The following TMPRSS11A variants were observed in gnomAD, a reference collection of about 807,000 sequenced individuals.
TMPRSS11A encodes transmembrane protease serine 11A.
Under a neutral mutation model 58.9 loss-of-function variants are expected in TMPRSS11A, and 53 were observed. That is an observed-to-expected ratio of 0.90 (90% CI 0.72 to 1.13). The LOEUF is 1.13. Among genes scored for constraint, TMPRSS11A ranks in the 50% most tolerant of loss-of-function variants. The pLI, the probability that TMPRSS11A is intolerant of heterozygous loss-of-function variation, is 0.00. For synonymous variants in TMPRSS11A, 167 were observed against 169.8 expected, an observed-to-expected ratio of 0.98 and a Z score of 0.13; for missense variants, 493 against 499.3, an observed-to-expected ratio of 0.99 and a Z score of 0.12.
chr4:67,938,266 C>A (rs979544434), intron 3 of TMPRSS11A, among the ~76,000 whole-genome samples: 6 of 152,062 alleles, frequency 3.9e-5, no homozygotes, highest in African/African-American at 1.4e-4. Context: ...GTTTCTTTTG[C>A]TTGTTGAGTT....
intron 7 of TMPRSS11A, among the ~76,000 whole-genome samples, chr4:67,921,447 C>T (rs896242764): frequency 6.6e-6 from 1 of 152,066 alleles, no homozygotes; most frequent in Non-Finnish European, 1.5e-5. Context: ...GATCCTCCTG[C>T]GTTAGCCTCC....
intron 1 of TMPRSS11A, among the ~76,000 whole-genome samples, chr4:67,960,507 T>C (rs1440349325): frequency 6.6e-6 from 1 of 152,158 alleles, no homozygotes; most frequent in Non-Finnish European, 1.5e-5. Context: ...ATTGCTGAGA[T>C]AATTAAATGC....
intron 1 of TMPRSS11A, among the ~76,000 whole-genome samples, chr4:67,953,915 A>G (rs939833955): frequency 4.6e-5 from 7 of 152,230 alleles, no homozygotes; most frequent in African/African-American, 1.7e-4. Flanking sequence ...CAAGAGGAAG[A>G]AACAAAGAAA....
chr4:67,930,831 CAA>C (rs1165212348), intron 4 of TMPRSS11A, among the ~76,000 whole-genome samples: 1 of 74,740 alleles, frequency 1.3e-5, no homozygotes, highest in Non-Finnish European at 2.4e-5. Flanking sequence ...TTTTTTTTTA[CAA>C]AAAAAAAAAA....
Position 67,944,536 on chromosome 4 carries a change from CTCGTA to C in TMPRSS11A, c.230_234del (p.Leu77Ter). 1 of 1,610,806 alleles carries C rather than the reference CTCGTA, an allele frequency of 6.2e-7. No individual in the cohort carries two copies. The highest frequency in any genetic ancestry group is 1.7e-5 in the Admixed American group (1 of 59,606). On this transcript the variant is annotated frameshift_variant, in exon 3 of 10. Coordinates refer to ENST00000508048, the MANE Select transcript of TMPRSS11A (RefSeq NM_001114387.2). LOFTEE classifies it high-confidence loss of function. ...TGACTCACCAAATTTTCGGTCGTCT[CTCGTA>C]AGTCCTTAAGTTGATATGTGTTGCT...
intron 1 of TMPRSS11A, among the ~76,000 whole-genome samples, chr4:67,957,458 T>A (rs1245486125): frequency 6.6e-6 from 1 of 152,174 alleles, no homozygotes. Flanking sequence ...GCTTGTTATG[T>A]TTTAGCAAAG....
chr4:67,916,085 T>C (rs1398578848), intron 8 of TMPRSS11A, among the ~76,000 whole-genome samples: 2 of 152,182 alleles, frequency 1.3e-5, no homozygotes, highest in African/African-American at 2.4e-5. Context: ...GGTTGCCTAC[T>C]GTTGATATAT....
intron 1 of TMPRSS11A, among the ~76,000 whole-genome samples, chr4:67,946,955 A>G (rs1215709593): frequency 1.3e-5 from 2 of 152,028 alleles, no homozygotes; most frequent in East Asian, 3.9e-4. Context: ...CTATTATCTC[A>G]TTTATTTTTA....
chr4:67,921,324 A>G (rs927776409), intron 7 of TMPRSS11A, among the ~76,000 whole-genome samples: 9 of 152,286 alleles, frequency 5.9e-5, no homozygotes, highest in African/African-American at 2.2e-4. Flanking sequence ...TATGTAGATT[A>G]TTTTTAAAAA....
In TMPRSS11A at chr4:67,909,745, T is replaced by TGATTCAATAAAAATAGTTAAG. The variant is rs1719918165; in HGVS notation, c.*1576_*1596dup. On this transcript the variant is annotated 3_prime_UTR_variant, in exon 10 of 10. Transcript: ENST00000508048. ...CTCACTTAAAATTTTACAGATCTGA[T>TGATTCAATAAAAATAGTTAAG]GATTCAATAAAAATAGTTAAGAATT... is the stretch of plus-strand genomic sequence containing the variant. The TGATTCAATAAAAATAGTTAAG allele has an allele frequency of 3.3e-5, 5 of 152,210 alleles. No individual in the cohort carries two copies. The highest frequency in any genetic ancestry group is 1.2e-4 in the African/African-American group (5 of 41,564). The allele number at this position is 152,210 out of a possible 1,614,324, so 9.4% of individuals were successfully genotyped here.
At chr4:67,922,420 A>T (rs1294553640) in intron 7 of TMPRSS11A, among the ~76,000 whole-genome samples, 1 of 152,214 alleles carries the variant, frequency 6.6e-6, no homozygotes, top group Non-Finnish European at 1.5e-5. Flanking sequence ...CACTAGTTTT[A>T]AGTGGAGAGC....
chr4:67,932,128 A>C, intron 3 of TMPRSS11A, 68 bp from the exon 4 acceptor site: 1 of 928,378 alleles, frequency 1.1e-6, no homozygotes, highest in East Asian at 2.7e-5. Flanking sequence ...ATCCTTGATT[A>C]AATGTTAAAG....
At chr4:67,928,107 C>T (rs577381748) in intron 5 of TMPRSS11A, among the ~76,000 whole-genome samples, 77 of 152,248 alleles carry the variant, frequency 5.1e-4, no homozygotes, top group African/African-American at 1.6e-3. Context: ...TGCAGTGGCG[C>T]GATCTTGGCT....
intron 1 of TMPRSS11A, among the ~76,000 whole-genome samples, chr4:67,946,929 C>A (rs941700568): frequency 6.6e-6 from 1 of 152,026 alleles, no homozygotes; most frequent in Non-Finnish European, 1.5e-5. Flanking sequence ...TTAGAGTTTA[C>A]AAAGTGATTT....
chr4:67,911,991 A>C (rs1044116277), intron 9 of TMPRSS11A, among the ~76,000 whole-genome samples: 1 of 152,174 alleles, frequency 6.6e-6, no homozygotes, highest in Admixed American at 6.5e-5. Flanking sequence ...ACATCTTTAC[A>C]TTATAGCATC....
At chr4:67,962,555 G>T (rs142857827) in intron 1 of TMPRSS11A, among the ~76,000 whole-genome samples, 1 of 152,116 alleles carries the variant, frequency 6.6e-6, no homozygotes, top group African/African-American at 2.4e-5. Flanking sequence ...GGGAGTTAAC[G>T]ATACTTGTGA....
chr4:67,934,275 C>G (rs1308392723), intron 3 of TMPRSS11A, among the ~76,000 whole-genome samples: 1 of 152,034 alleles, frequency 6.6e-6, no homozygotes, highest in Non-Finnish European at 1.5e-5. Flanking sequence ...GAATTTACAG[C>G]AGGAGGAAAA....
chr4:67,948,698 G>A (rs1453138682), intron 1 of TMPRSS11A, among the ~76,000 whole-genome samples: 1 of 152,158 alleles, frequency 6.6e-6, no homozygotes, highest in African/African-American at 2.4e-5. Context: ...AAGCTAACAT[G>A]CTTGAATAGA....
intron 3 of TMPRSS11A, among the ~76,000 whole-genome samples, chr4:67,937,178 T>A (rs2109754292): frequency 6.6e-6 from 1 of 152,298 alleles, no homozygotes; most frequent in African/African-American, 2.4e-5. Context: ...TAGAAATAGT[T>A]CATATTACTT....
Sources: allele counts gnomAD v4.1 joint callset (sites outside exome capture counted in the v4.1 genomes callset), GRCh38; gene constraint gnomAD v4.1.1; transcripts MANE v1.5; gene names NCBI Gene and HGNC (gene_info 2026-07-23, HGNC 2026-07-21).